DPP6: variants seen among roughly 807,000 people sequenced by gnomAD.
DPP6 encodes A-type potassium channel modulatory protein DPP6.
In DPP6, 69 loss-of-function variants were observed where a neutral mutation model predicts 122.6. That is an observed-to-expected ratio of 0.56 (90% CI 0.46 to 0.69). The LOEUF (loss-of-function observed/expected upper bound fraction) is 0.69. DPP6 is among the 30% of genes least tolerant of loss of function. The pLI, the probability that DPP6 is intolerant of heterozygous loss-of-function variation, is 0.00. For missense variants in DPP6, 928 were observed against 1,116.9 expected, an observed-to-expected ratio of 0.83 and a Z score of 2.41; for synonymous variants, 418 against 433.1, an observed-to-expected ratio of 0.97 and a Z score of 0.43.
At chr7:154,889,245 T>A in intron 23 of DPP6, 27 bp from the exon 24 acceptor site, 2 of 1,609,676 alleles carry the variant, frequency 1.2e-6, no homozygotes, top group Middle Eastern at 1.7e-4. Context: ...GCCCCCTAAC[T>A]CTGTCCCCTT....
At chr7:154,495,441 C>T (rs1257566385) in intron 3 of DPP6, among the ~76,000 whole-genome samples, 2 of 151,510 alleles carry the variant, frequency 1.3e-5, no homozygotes, top group African/African-American at 4.9e-5. Context: ...TGCTCAGTTG[C>T]CCAGGCTAAA....
chr7:154,615,683 C>T (rs1396890305), intron 5 of DPP6, among the ~76,000 whole-genome samples: 1 of 151,970 alleles, frequency 6.6e-6, no homozygotes, highest in Non-Finnish European at 1.5e-5. Context: ...CCCACTGTTA[C>T]CATTCACAAT....
intron 1 of DPP6, among the ~76,000 whole-genome samples, chr7:154,383,880 ACT>A (rs1445097641): frequency 4.5e-5 from 5 of 110,412 alleles, no homozygotes; most frequent in African/African-American, 1.3e-4. Context: ...ACAGAGTGAG[ACT>A]CTGTCTCCAA....
chr7:153,882,336 C>T (rs56370033), upstream of DPP6, among the ~76,000 whole-genome samples: 9,088 of 152,168 alleles, frequency 0.06, 442 homozygotes, highest in East Asian at 0.22. Flanking sequence ...TAGTTTTAGT[C>T]TCTTTTCTTA....
At chr7:154,165,059 G>C (rs1797176013) in intron 1 of DPP6, among the ~76,000 whole-genome samples, 1 of 150,908 alleles carries the variant, frequency 6.6e-6, no homozygotes, top group Admixed American at 6.6e-5. Flanking sequence ...ACATTGTGCA[G>C]GTTAGTTACA....
chr7:154,752,620 C>A (rs1412118108), intron 8 of DPP6, among the ~76,000 whole-genome samples: 1 of 152,178 alleles, frequency 6.6e-6, no homozygotes, highest in Non-Finnish European at 1.5e-5. Flanking sequence ...CTTCTGGGAT[C>A]CAGGGTCTCT....
At chr7:154,739,671 T>G (rs1337301104) in intron 8 of DPP6, among the ~76,000 whole-genome samples, 1 of 113,034 alleles carries the variant, frequency 8.8e-6, no homozygotes, top group African/African-American at 3.7e-5. Context: ...TCAGAACCAT[T>G]AGTCATCATC....
chr7:154,181,821 C>G (rs1798103650), intron 1 of DPP6, among the ~76,000 whole-genome samples: 1 of 148,854 alleles, frequency 6.7e-6, no homozygotes, highest in African/African-American at 2.5e-5. Flanking sequence ...GCAATCTTGG[C>G]TCACTGAAAC....
chr7:154,432,864 C>T (rs1818541985), intron 1 of DPP6, among the ~76,000 whole-genome samples: 1 of 152,150 alleles, frequency 6.6e-6, no homozygotes, highest in South Asian at 2.1e-4. Context: ...TTAGGAAAAG[C>T]TGCCCTCATA....
intron 13 of DPP6, among the ~76,000 whole-genome samples, chr7:154,802,914 C>T (rs561637288): frequency 5.9e-5 from 9 of 152,120 alleles, no homozygotes; most frequent in Admixed American, 1.3e-4. Context: ...TCCAAGTTGC[C>T]ATCATTTGCC....
intron 1 of DPP6, among the ~76,000 whole-genome samples, chr7:154,318,537 G>A (rs937325684): frequency 1.3e-5 from 2 of 152,156 alleles, no homozygotes; most frequent in Non-Finnish European, 2.9e-5. Context: ...AAAATGATTT[G>A]TACACTGATA....
intron 6 of DPP6, among the ~76,000 whole-genome samples, chr7:154,668,149 C>A (rs1471197367): frequency 7.8e-6 from 1 of 127,570 alleles, no homozygotes; most frequent in African/African-American, 2.7e-5. Context: ...GCCATTCAAC[C>A]ATTTCTTTCT....
rs562514728 is a variant in DPP6 at position 153,928,217 on chromosome 7, C to CT, written c.51+40495dup. On this transcript the variant is annotated intron_variant, in intron 1 of 25. Coordinates refer to the DPP6 transcript ENST00000404039. ...AGGGCCAGTTTTCTTTTCTTTTTTT[C>CT]TTTTTTTTTTTTGAGATGGAGTTTC... Among the ~76,000 whole-genome samples, 653 of 141,254 alleles carry CT rather than the reference C, an allele frequency of 4.6e-3. 5 individuals carry two copies. The highest frequency in any genetic ancestry group is 0.014 in the African/African-American group (544 of 38,788). The allele number at this position is 141,254 out of a possible 152,430, so 92.7% of individuals were successfully genotyped here.
At chr7:153,879,454 A>G in the DPP6 span, among the ~76,000 whole-genome samples, 36 of 152,212 alleles carry the variant, frequency 2.4e-4, no homozygotes, top group African/African-American at 8.2e-4. Context: ...CAGCAGTGCC[A>G]TCTCAGCTCA....
At chr7:154,363,511 G>C (rs1409102820) in intron 1 of DPP6, among the ~76,000 whole-genome samples, 3 of 152,136 alleles carry the variant, frequency 2.0e-5, no homozygotes, top group Non-Finnish European at 2.9e-5. Flanking sequence ...AGGACCTCAG[G>C]GTTCTCCAAA....
Position 154,013,438 on chromosome 7 carries a change from A to G in DPP6, c.51+125704A>G, listed in dbSNP as rs182672871. On this transcript the variant is annotated intron_variant, in intron 1 of 25. Coordinates refer to the DPP6 transcript ENST00000404039. ...TTTTAGTCCAGTGTGTATTCCTCAG[A>G]GAAACCTCAGGTTTCTTTTCTTTTT... is the stretch of plus-strand genomic sequence containing the variant. Among the ~76,000 whole-genome samples, 35 of 150,824 alleles carry G rather than the reference A, an allele frequency of 2.3e-4. 2 individuals carry two copies. Among genetic ancestry groups the G allele is most frequent in the Admixed American group, 9.2e-4 (14 of 15,188 alleles).
intron 5 of DPP6, among the ~76,000 whole-genome samples, chr7:154,572,328 C>T (rs999764556): frequency 1.3e-5 from 2 of 151,994 alleles, no homozygotes; most frequent in African/African-American, 4.8e-5. Context: ...TCTATGCACC[C>T]ATCTGGTCGA....
intron 1 of DPP6, among the ~76,000 whole-genome samples, chr7:154,132,532 CTCT>C (rs773847783): frequency 2.0e-5 from 3 of 152,142 alleles, no homozygotes; most frequent in South Asian, 4.1e-4. Context: ...TTTTATCCCT[CTCT>C]TCTTCCTCCT....
chr7:154,508,504 G>A (rs759703854), intron 3 of DPP6, among the ~76,000 whole-genome samples: 8 of 152,138 alleles, frequency 5.3e-5, no homozygotes, highest in Non-Finnish European at 2.9e-5. Flanking sequence ...GCATGAAAGA[G>A]GTATGCATCT....
Sources: gnomAD v4.1 joint callset for allele counts (sites outside exome capture counted in the v4.1 genomes callset) on GRCh38, gnomAD v4.1.1 for gene constraint, MANE v1.5 for transcripts, NCBI Gene and HGNC (gene_info 2026-07-23, HGNC 2026-07-21) for gene names.